NR5A2: variants seen among roughly 807,000 people sequenced by gnomAD.
NR5A2 encodes the protein nuclear receptor subfamily 5 group A member 2.
A neutral mutation model predicts 62.7 loss-of-function variants in NR5A2; 26 were observed. The observed-to-expected ratio is 0.41, with a 90% CI of 0.30 to 0.58. NR5A2 has a LOEUF of 0.58. Among genes scored for constraint, NR5A2 ranks in the 20% least tolerant of loss-of-function variants. NR5A2 has a pLI of 0.22. For missense variants in NR5A2, 541 were observed against 669.1 expected (o/e 0.81, Z 2.11); for synonymous variants, 246 against 241.7 (o/e 1.02, Z -0.16).
intron 5 of NR5A2, among the ~76,000 whole-genome samples, chr1:200,069,860 A>G (rs1161020183): frequency 7.9e-6 from 1 of 126,422 alleles, no homozygotes; most frequent in Non-Finnish European, 1.7e-5. Flanking sequence ...ATAATCTCTA[A>G]TTATGTCTCA....
At chr1:200,107,765 G>A (rs1393094455) in intron 5 of NR5A2, among the ~76,000 whole-genome samples, 1 of 151,926 alleles carries the variant, frequency 6.6e-6, no homozygotes, top group African/African-American at 2.4e-5. Context: ...TCAGCCTCCC[G>A]AGTAGCTGGG....
chr1:200,040,759 G>A (rs994991559), intron 2 of NR5A2, among the ~76,000 whole-genome samples: 5 of 152,238 alleles, frequency 3.3e-5, no homozygotes, highest in African/African-American at 1.2e-4. Context: ...GGTGTTGAGA[G>A]CAGAGTTCAG....
chr1:200,095,839 C>A (rs566285463), intron 5 of NR5A2, among the ~76,000 whole-genome samples: 48 of 151,818 alleles, frequency 3.2e-4, no homozygotes, highest in Middle Eastern at 3.4e-3. Context: ...GGTGTGAGCC[C>A]CCGCGCCCGG....
intron 7 of NR5A2, among the ~76,000 whole-genome samples, chr1:200,135,943 A>G (rs982908861): frequency 2.0e-5 from 3 of 152,244 alleles, no homozygotes; most frequent in African/African-American, 7.2e-5. Context: ...TAACTGATAC[A>G]TTAATTCAGT....
chr1:200,071,014 C>A (rs2102215453), intron 5 of NR5A2, among the ~76,000 whole-genome samples: 2 of 152,260 alleles, frequency 1.3e-5, no homozygotes, highest in Non-Finnish European at 2.9e-5. Flanking sequence ...GCAAAGCTAC[C>A]TATTTTTCCA....
At chr1:200,134,374 T>A (rs1667122899) in intron 7 of NR5A2, among the ~76,000 whole-genome samples, 1 of 152,124 alleles carries the variant, frequency 6.6e-6, no homozygotes, top group African/African-American at 2.4e-5. Context: ...AGGTGTGCTA[T>A]TTTTTATCTC....
chr1:200,092,646 TG>T (rs1374625756), intron 5 of NR5A2, among the ~76,000 whole-genome samples: 1 of 152,072 alleles, frequency 6.6e-6, no homozygotes, highest in Admixed American at 6.6e-5. Context: ...CATCCTCATT[TG>T]GGTGGCCCTT....
Position 200,171,272 on chromosome 1 carries a change from C to T in NR5A2, c.1379-2691C>T, listed in dbSNP as rs573880711. Among the ~76,000 whole-genome samples, 11 of 152,274 alleles carry T rather than the reference C, an allele frequency of 7.2e-5. No homozygotes were observed. In the East Asian group the frequency reaches 2.1e-3, roughly 29 times the overall value. ...TTTATTATTTCATGATAACATTCAT[C>T]AAAATAGCTTAATGGGATAATTAAC... On this transcript the variant is annotated intron_variant, in intron 7 of 7. Coordinates refer to ENST00000367362, the MANE Select transcript of NR5A2 (RefSeq NM_205860.3).
intron 7 of NR5A2, among the ~76,000 whole-genome samples, chr1:200,133,600 T>C (rs138512807): frequency 0.021 from 2,045 of 95,120 alleles, 30 homozygotes; most frequent in African/African-American, 0.069. Context: ...TATATATATA[T>C]ACACATATAT....
At chr1:200,142,188 CTTTTTTTTTTTTT>C (rs535827114) in intron 7 of NR5A2, among the ~76,000 whole-genome samples, 8 of 55,418 alleles carry the variant, frequency 1.4e-4, no homozygotes, top group African/African-American at 3.9e-4. Context: ...TTAAAGACTT[CTTTTTTTTTTTTT>C]TTTTTTTTTT....
At chr1:200,131,375 A>T (rs1666964210) in intron 7 of NR5A2, among the ~76,000 whole-genome samples, 2 of 152,230 alleles carry the variant, frequency 1.3e-5, no homozygotes, top group Non-Finnish European at 2.9e-5. Context: ...CTGGCACAAG[A>T]ATATAATTGC....
At chr1:200,038,565 T>A in intron 1 of NR5A2, 2 of 515,064 alleles carry the variant, frequency 3.9e-6, no homozygotes, top group African/African-American at 3.9e-5. Context: ...CAACTCTGCA[T>A]GTAAGAACGG....
chr1:200,146,824 GT>G (rs573421189), intron 7 of NR5A2, among the ~76,000 whole-genome samples: 1 of 152,152 alleles, frequency 6.6e-6, no homozygotes, highest in East Asian at 1.9e-4. Flanking sequence ...GGCTAAATAA[GT>G]TTTTACTGAT....
rs3034024 is a variant in NR5A2 at position 200,173,936 on chromosome 1, CTTTTTTTTT to C, written c.1379-16_1379-8del. 8.1e-7 allele frequency: 1 copy of C among 1,236,706 alleles called. No individual in the cohort carries two copies. Among genetic ancestry groups the C allele is most frequent in the South Asian group, 2.5e-5 (1 of 40,086 alleles). The allele number at this position is 1,236,706 out of a possible 1,614,324, so 76.6% of individuals were successfully genotyped here. On this transcript the variant is annotated intron_variant, in intron 7 of 7. Coordinates refer to ENST00000367362, the MANE Select transcript of NR5A2 (RefSeq NM_205860.3). ...GAATTGAAATGCTATTGAAATGTTG[CTTTTTTTTT>C]TTTTTTTTTTAATGCAGATGTCAAA... is the stretch of plus-strand genomic sequence containing the variant.
intron 7 of NR5A2, among the ~76,000 whole-genome samples, chr1:200,135,611 A>T (rs968023931): frequency 6.6e-6 from 1 of 152,048 alleles, no homozygotes; most frequent in Non-Finnish European, 1.5e-5. Flanking sequence ...TATTGAGGTG[A>T]TATGGCCTAA....
At chr1:200,032,599 T>G (rs1415201440) in intron 1 of NR5A2, among the ~76,000 whole-genome samples, 1 of 152,154 alleles carries the variant, frequency 6.6e-6, no homozygotes, top group Non-Finnish European at 1.5e-5. Context: ...GGTTAGTGAT[T>G]CCCTTTTTAC....
In NR5A2 at chr1:200,175,080, T is replaced by G. The variant is rs1029276601; in HGVS notation, c.*870T>G. 2 of 152,638 alleles carry G rather than the reference T, an allele frequency of 1.3e-5. No homozygotes were observed. Among genetic ancestry groups the G allele is most frequent in the Admixed American group, 1.3e-4 (2 of 15,284 alleles). 9.5% of individuals were successfully genotyped at this position (152,638 alleles called of 1,614,324 possible). On this transcript the variant is annotated 3_prime_UTR_variant, in exon 8 of 8. Transcript: ENST00000367362. ...GTGGCTTTGGCATTGTTGGATTTCA[T>G]AAAAAATTTCTGGCAGGAAGTCTTG...
At position 200,102,785 on chromosome 1, in the gene NR5A2, T is replaced by C. The variant is rs900130282; in HGVS notation, c.1111-8417T>C. 1.6e-4 allele frequency among the ~76,000 whole-genome samples: 25 copies of C among 152,184 alleles called. 1 individual carries two copies. On this transcript the variant is annotated intron_variant, in intron 5 of 7. Coordinates refer to ENST00000367362, the MANE Select transcript of NR5A2 (RefSeq NM_205860.3). ...CTCTAAGAATTTTGCACAATCCAAA[T>C]CCATTAATGCAGGTTAACATATTAC...
rs911323486 is a variant in NR5A2, at chr1:200,048,061, C to T, written c.464-111C>T. The T allele has an allele frequency of 9.7e-6, 10 of 1,032,574 alleles. No homozygotes were observed. The highest frequency in any genetic ancestry group is 1.7e-5 in the South Asian group (1 of 59,380). 64.0% of individuals were successfully genotyped at this position (1,032,574 alleles called of 1,614,324 possible). ...TTGTGGGCTATTGTAACGAAAACAA[C>T]CACACACATACCACTTCTTGTCGAT... is the stretch of plus-strand genomic sequence containing the variant. On this transcript the variant is annotated intron_variant, in intron 4 of 7. Transcript: ENST00000367362. The surrounding 1 kb of genome is among the most constrained non-coding windows in gnomAD (Gnocchi z 4.8).
Sources: gnomAD v4.1 joint callset for allele counts (sites outside exome capture counted in the v4.1 genomes callset) on GRCh38, gnomAD v4.1.1 for gene constraint, Gnocchi (gnomAD v3.1) non-coding constraint, MANE v1.5 for transcripts, NCBI Gene and HGNC (gene_info 2026-07-23, HGNC 2026-07-21) for gene names.